The following UBA1 variants were observed in gnomAD, a reference collection of about 807,000 sequenced individuals.
UBA1 encodes the protein ubiquitin-like modifier-activating enzyme 1.
Under a neutral mutation model 84.7 loss-of-function variants are expected in UBA1, and 4 were observed. That is an observed-to-expected ratio of 0.05 (90% CI 0.02 to 0.11). UBA1 has a LOEUF of 0.11. Among genes scored for constraint, UBA1 ranks in the 10% least tolerant of loss-of-function variants. The pLI is 1.00. For synonymous variants in UBA1, 364 were observed against 362.6 expected, an observed-to-expected ratio of 1.00 and a Z score of -0.04; for missense variants, 513 against 902.8, an observed-to-expected ratio of 0.57 and a Z score of 5.53.
At chrX:47,213,271 G>T in intron 23 of UBA1, 90 bp downstream of exon 23, 1 of 1,004,191 alleles carries the variant, frequency 1.0e-6, no homozygotes, top group Admixed American at 2.6e-5. Flanking sequence ...ACCAGGTGAG[G>T]GTTTCTGTCT....
intron 13 of UBA1, 100 bp downstream of exon 13, chrX:47,203,314 C>T: frequency 1.0e-6 from 1 of 971,619 alleles, no homozygotes; most frequent in Non-Finnish European, 1.5e-6. Context: ...GGCGCATTCT[C>T]TTTGCCATTC....
At chrX:47,207,465 CAA>C (rs1161631292) in intron 16 of UBA1, among the ~76,000 whole-genome samples, 1 of 112,162 alleles carries the variant, frequency 8.9e-6, no homozygotes, top group Non-Finnish European at 1.9e-5. Flanking sequence ...GGGCAGCATT[CAA>C]AGTCATCCTG....
rs782276375 is a variant in UBA1, at chrX:47,214,538, C to A, written c.2942C>A (p.Thr981Lys). The change falls in exon 25 of 26, where the codon ACA becomes AAA. Residue 981 changes from threonine (T) to lysine (K), a missense_variant and splice_region_variant. This residue lies in a region of UBA1 where 151 missense variants were observed against 260.1 expected (regional missense o/e 0.58). Transcript: ENST00000335972. ...CTGCTGTTCCCCCTCCCTCTCCAGA[C>A]AGAGCACAAATTAGAGATCACCATG... ...TLKQFLDYFK[T>K]EHKLEITMLS... The A allele has an allele frequency of 4.1e-6, 5 of 1,210,716 alleles. No individual in the cohort carries two copies. The highest frequency in any genetic ancestry group is 5.6e-6 in the Non-Finnish European group (5 of 894,585).
At chrX:47,198,951 G>A (rs1556786498) in intron 2 of UBA1, 32 bp downstream of exon 2, 11 of 1,206,228 alleles carry the variant, frequency 9.1e-6, no homozygotes, top group Non-Finnish European at 1.0e-5. Context: ...ACTGGCAGAC[G>A]AGGTGGTGGG....
intron 1 of UBA1, chrX:47,197,659 C>T (rs1320451129): frequency 1.4e-6 from 1 of 740,536 alleles, no homozygotes; most frequent in Non-Finnish European, 1.6e-6. Context: ...AGCAGGTGAC[C>T]CTGGGCAAGT....
rs782185391 is a variant in UBA1 at position 47,210,054 on chromosome X, C to T, written c.2130C>T (p.Ala710=). The change falls in exon 18 of 26, where the codon GCC becomes GCT. Residue 710 remains alanine (A), a synonymous_variant. Transcript: ENST00000335972. ...PQTWADCVTW[A]CHHWHTQYSN... is the part of the protein sequence containing the mutation. ...CCTGGGCTGACTGCGTGACCTGGGCCTGCCACCACTGGCACACCCAGTACT... is the reference window on the plus strand; with the variant it reads ...CCTGGGCTGACTGCGTGACCTGGGCTTGCCACCACTGGCACACCCAGTACT... The T allele has an allele frequency of 5.0e-6, 6 of 1,210,696 alleles. No homozygotes were observed. The South Asian group carries it at 8.8e-5, about 18-fold the overall frequency.
At chrX:47,199,180 C>T (rs1936312545) in intron 3 of UBA1, 29 bp from the exon 4 acceptor site, 1 of 1,212,329 alleles carries the variant, frequency 8.2e-7, no homozygotes, top group East Asian at 3.0e-5. Context: ...GGGGCAGGCC[C>T]TGACCTAGAG....
intron 14 of UBA1, 112 bp downstream of exon 14, chrX:47,203,808 C>T (rs1373958260): frequency 1.3e-5 from 11 of 822,981 alleles, no homozygotes; most frequent in African/African-American, 7.0e-5. Context: ...AGTGCAGTGG[C>T]GTGATCTCTG....
chrX:47,198,483 C>T (rs1936282777), intron 1 of UBA1: 1 of 354,063 alleles, frequency 2.8e-6, no homozygotes, highest in Non-Finnish European at 5.0e-6. Context: ...CATCCTTCCC[C>T]TGACCTCGAC....
rs782434472 is a variant in UBA1 at position 47,201,545 on chromosome X, C to T, written c.746C>T (p.Ser249Phe). 2 of 1,211,874 alleles carry T rather than the reference C, an allele frequency of 1.7e-6. No homozygotes were observed. The highest frequency in any genetic ancestry group is 1.1e-6 in the Non-Finnish European group (1 of 895,521). The change falls in exon 8 of 26, where the codon TCC (serine) becomes TTC (phenylalanine). Residue 249 changes from serine (S) to phenylalanine (F), a missense_variant. Coordinates refer to ENST00000335972, the MANE Select transcript of UBA1 (RefSeq NM_003334.4). ...RHGFESGDFVSFSEVQGMVEL... is the reference protein window; with the variant it reads ...RHGFESGDFVFFSEVQGMVEL... ...GGGTTTGAGAGCGGGGACTTTGTCT[C>T]CTTTTCAGAAGTACAGGGCATGGTT...
intron 16 of UBA1, among the ~76,000 whole-genome samples, chrX:47,208,324 CGTGTGT>C (rs71925003): frequency 3.5e-4 from 38 of 107,275 alleles, no homozygotes; most frequent in East Asian, 1.8e-3. Flanking sequence ...AGTGTGTGTA[CGTGTGT>C]GTGTGTGTGT....
chrX:47,207,147 GTTAT>G (rs1326247461), intron 16 of UBA1, among the ~76,000 whole-genome samples: 2 of 111,868 alleles, frequency 1.8e-5, no homozygotes, highest in Non-Finnish European at 3.8e-5. Context: ...ATCTCTTCTA[GTTAT>G]TTATTTGTCT....
At position 47,200,899 on chromosome X, in the gene UBA1, G is replaced by A. The variant is rs370643219; in HGVS notation, c.486G>A (p.Val162=). The A allele has an allele frequency of 7.1e-5, 85 of 1,190,949 alleles. No homozygotes were observed. The highest frequency in any genetic ancestry group is 9.3e-5 in the Non-Finnish European group (82 of 884,956). The stretch of plus-strand genomic sequence containing the variant: ...GAGCCTCCATCTCTCCACAGGTGGT[G>A]GTGCTCACCAACACCCCCCTGGAGG... ...VEDFLSGFQV[V]VLTNTPLEDQ... Residue 162 remains valine, a synonymous_variant, in exon 6 of 26, where the codon GTG becomes GTA. Coordinates refer to ENST00000335972, the MANE Select transcript of UBA1 (RefSeq NM_003334.4).
At chrX:47,213,866 C>CA (rs368610527) in intron 23 of UBA1, among the ~76,000 whole-genome samples, 7,814 of 94,314 alleles carry the variant, frequency 0.083, 848 homozygotes, top group African/African-American at 0.28. Flanking sequence ...GACTGCATCT[C>CA]AAAAAAAAAA....
At chrX:47,193,340 T>C (rs1312164194), upstream of UBA1, among the ~76,000 whole-genome samples, 1 of 111,364 alleles carries the variant, frequency 9.0e-6, no homozygotes, top group African/African-American at 3.3e-5. Context: ...GATGCAGCAA[T>C]AGGCGGGCGT....
rs557968853 is a variant in UBA1, at chrX:47,207,810, G to A, written c.1938+1366G>A. On this transcript the variant is annotated intron_variant, in intron 16 of 25. Transcript: ENST00000335972. Reference sequence around the variant, plus strand: ...ACCTTGAACTTAACCTCTCTGTGCCGCAGATTCCTGTTCTGTAAAATGGGA... The same window carrying A: ...ACCTTGAACTTAACCTCTCTGTGCCACAGATTCCTGTTCTGTAAAATGGGA... 1.3e-4 allele frequency among the ~76,000 whole-genome samples: 15 copies of A among 112,129 alleles called. 1 individual carries two copies. In the South Asian group the frequency reaches 1.8e-3, roughly 14 times the overall value.
At chrX:47,194,321 C>T (rs1936122759) in intron 1 of UBA1, among the ~76,000 whole-genome samples, 1 of 112,336 alleles carries the variant, frequency 8.9e-6, no homozygotes, top group Non-Finnish European at 1.9e-5. Context: ...CCTTGTATCT[C>T]AGATCAGAAC....
In UBA1 at chrX:47,214,620, G is replaced by A; in HGVS notation, c.3024G>A (p.Lys1008=). 1 of 1,209,954 alleles carries A rather than the reference G, an allele frequency of 8.3e-7. No homozygotes were observed. The highest frequency in any genetic ancestry group is 1.1e-6 in the Non-Finnish European group (1 of 894,551). ...TCTTCATGCCAGCTGCCAAGCTCAAGGAACGGTTGGATCAGCCGTGAGTTG... is the reference window on the plus strand; with the variant it reads ...TCTTCATGCCAGCTGCCAAGCTCAAAGAACGGTTGGATCAGCCGTGAGTTG... ...YSFFMPAAKL[K]ERLDQPMTEI... Residue 1008 remains lysine (K), a synonymous_variant, in exon 25 of 26, where the codon AAG becomes AAA. Coordinates refer to ENST00000335972, the MANE Select transcript of UBA1 (RefSeq NM_003334.4).
intron 1 of UBA1, chrX:47,197,381 C>A: frequency 6.6e-6 from 5 of 754,898 alleles, no homozygotes; most frequent in Non-Finnish European, 6.3e-6. Context: ...ACACAGTATG[C>A]TCTTGGTAGA....
Sources: gnomAD v4.1 joint callset for allele counts (sites outside exome capture counted in the v4.1 genomes callset) on GRCh38, gnomAD v4.1.1 for gene constraint, gnomAD v4.1.1 regional missense constraint, MANE v1.5 for transcripts, NCBI Gene and HGNC (gene_info 2026-07-23, HGNC 2026-07-21) for gene names.